KMT2C: variants seen among roughly 807,000 people sequenced by gnomAD.
The protein encoded by KMT2C is lysine methyltransferase 2C, also known as histone-lysine N-methyltransferase 2C.
In KMT2C, 88 loss-of-function variants were observed where a neutral mutation model predicts 507.9. The ratio of observed to expected loss-of-function variants is 0.17; its 90% CI spans 0.15 to 0.21. The LOEUF (loss-of-function observed/expected upper bound fraction) is 0.21, where lower values mean the gene tolerates loss of function less well. KMT2C is among the 10% of genes least tolerant of loss of function. KMT2C has a pLI of 1.00. For synonymous variants in KMT2C, 2,049 were observed against 2,080.8 expected, an observed-to-expected ratio of 0.98 and a Z score of 0.42; for missense variants, 4,954 against 5,957.8, an observed-to-expected ratio of 0.83 and a Z score of 5.55.
chr7:152,210,293 A>G (rs1423768812), intron 23 of KMT2C, among the ~76,000 whole-genome samples: 3 of 152,222 alleles, frequency 2.0e-5, no homozygotes, highest in Non-Finnish European at 4.4e-5. Context: ...CACTAAACTT[A>G]CAAATCGACA....
At chr7:152,298,339 T>C (rs1281194362) in intron 6 of KMT2C, among the ~76,000 whole-genome samples, 1 of 152,018 alleles carries the variant, frequency 6.6e-6, no homozygotes, top group Non-Finnish European at 1.5e-5. Context: ...TGAAGAAAAT[T>C]ACATTAAGGG....
intron 1 of KMT2C, among the ~76,000 whole-genome samples, chr7:152,418,010 T>A (rs1021530468): frequency 2.0e-5 from 3 of 148,428 alleles, no homozygotes; most frequent in Non-Finnish European, 4.4e-5. Context: ...TGGAGTGAAG[T>A]GGCACAATCT....
chr7:152,200,999 C>T (rs750999340), intron 26 of KMT2C, among the ~76,000 whole-genome samples: 1 of 151,998 alleles, frequency 6.6e-6, no homozygotes, highest in African/African-American at 2.4e-5. Context: ...ATAAGCAATG[C>T]TTTTATCATT....
chr7:152,186,063 A>G (rs1324616582), intron 33 of KMT2C, among the ~76,000 whole-genome samples: 1 of 152,216 alleles, frequency 6.6e-6, no homozygotes, highest in Non-Finnish European at 1.5e-5. Context: ...CAACAAACAC[A>G]TGGAAAAGTA....
chr7:152,189,009 T>C (rs2093711307), intron 31 of KMT2C, among the ~76,000 whole-genome samples: 1 of 152,186 alleles, frequency 6.6e-6, no homozygotes, highest in African/African-American at 2.4e-5. Context: ...ATACATACAC[T>C]CTGGTTTTGG....
At chr7:152,252,753 T>A (rs1469758921) in intron 9 of KMT2C, 38 bp from the exon 10 acceptor site, 1 of 1,454,526 alleles carries the variant, frequency 6.9e-7, no homozygotes, top group Non-Finnish European at 9.5e-7. Context: ...AACAGTTTGT[T>A]ATGCATTTGT....
chr7:152,162,684 G>A lies in KMT2C; in HGVS notation c.10893C>T (p.Ala3631=), dbSNP rs2092519698. The change falls in exon 43 of 59, where the codon GCC becomes GCT. Residue 3631 remains alanine (A), a synonymous_variant. Transcript: ENST00000262189. The part of the protein sequence containing the change: ...APSTPHSDIT[A]PPTPGISETT... ...TTTCTGAGATGCCTGGAGTCGGTGG[G>A]GCAGTTATATCTGAATGGGGAGTTG... 6.2e-7 allele frequency: 1 copy of A among 1,614,008 alleles called. No homozygotes were observed. The highest frequency in any genetic ancestry group is 8.5e-7 in the Non-Finnish European group (1 of 1,180,020).
At chr7:152,178,047 ATAG>A in intron 37 of KMT2C, 37 bp from the exon 38 acceptor site, 8 of 1,376,124 alleles carry the variant, frequency 5.8e-6, no homozygotes, top group Non-Finnish European at 7.5e-6. Flanking sequence ...AAAAAAGCAA[ATAG>A]GTATTATGTT....
intron 3 of KMT2C, among the ~76,000 whole-genome samples, chr7:152,324,098 T>C (rs997862614): frequency 6.6e-6 from 1 of 151,314 alleles, no homozygotes; most frequent in African/African-American, 2.4e-5. Context: ...ATAGGAGGAA[T>C]AGGTTTTGAG....
chr7:152,181,048 G>A lies in KMT2C; in HGVS notation c.6812C>T (p.Thr2271Ile), dbSNP rs2093419370. The change falls in exon 36 of 59, where the codon ACA becomes ATA. Residue 2271 changes from threonine to isoleucine, a missense_variant. Thr to Ile is a moderately conservative substitution (Grantham distance 89). Around this residue, in one of 29 missense-constraint regions of KMT2C, gnomAD observed 1,689 missense variants for 1,654.3 expected, o/e 1.02. Transcript: ENST00000262189. ...AGGGGGCCTAGGTGTCTGGGAACAT[G>A]TATCAGGTGGCCTTACCAACGGGCC... ...LPGPLVRPPD[T>I]CSQTPRPPGP... 7 of 1,614,200 alleles carry A rather than the reference G, an allele frequency of 4.3e-6. No individual in the cohort carries two copies. Among genetic ancestry groups the A allele is most frequent in the Non-Finnish European group, 5.9e-6 (7 of 1,180,042 alleles).
intron 2 of KMT2C, among the ~76,000 whole-genome samples, chr7:152,344,841 G>T (rs1304346655): frequency 3.3e-5 from 5 of 152,088 alleles, no homozygotes; most frequent in Non-Finnish European, 7.4e-5. Context: ...TTAAAAATTA[G>T]CTGGGCAGGA....
At chr7:152,300,716 T>C (rs1056043458) in intron 6 of KMT2C, among the ~76,000 whole-genome samples, 9 of 152,336 alleles carry the variant, frequency 5.9e-5, no homozygotes, top group African/African-American at 2.2e-4. Flanking sequence ...TGTGGACCCC[T>C]GACACAAATA....
At chr7:152,307,252 C>T (rs4726149) in intron 6 of KMT2C, among the ~76,000 whole-genome samples, 7 of 51,226 alleles carry the variant, frequency 1.4e-4, no homozygotes, top group Admixed American at 6.7e-4. Flanking sequence ...GAAGGAAGGA[C>T]GGTAGGAAGG....
chr7:152,396,695 C>T (rs1004422722), intron 1 of KMT2C, among the ~76,000 whole-genome samples: 1 of 152,178 alleles, frequency 6.6e-6, no homozygotes. Flanking sequence ...TATTAGAACT[C>T]CCACTCCCAT....
At chr7:152,259,448 A>ACG (rs1554587647) in intron 9 of KMT2C, among the ~76,000 whole-genome samples, 19 of 57,410 alleles carry the variant, frequency 3.3e-4, no homozygotes, top group African/African-American at 1.0e-3. Flanking sequence ...ACACACGCGC[A>ACG]CACACACACA....
Position 152,330,662 on chromosome 7 carries a change from G to C in KMT2C, c.328C>G (p.Arg110Gly). ...NSKQLIPTLQ[R>G]SVSEESANSL... is the part of the protein sequence containing the mutation. Reference sequence around the variant, plus strand: ...TTTGCCGATTCCTCAGACACAGATCGCTGAAGAGTTGGAATTAGCTGTTTG... The same window carrying C: ...TTTGCCGATTCCTCAGACACAGATCCCTGAAGAGTTGGAATTAGCTGTTTG... The change falls in exon 3 of 59, where the codon CGA (arginine) becomes GGA (glycine). Residue 110 changes from arginine to glycine, a missense_variant. By Grantham distance (125) the Arg-to-Gly change is moderately radical (BLOSUM62 -2). Around this residue, in one of 29 missense-constraint regions of KMT2C, gnomAD observed 233 missense variants for 263.6 expected, o/e 0.88. Transcript: ENST00000262189. 2 of 1,613,966 alleles carry C rather than the reference G, an allele frequency of 1.2e-6. No homozygotes were observed. Among genetic ancestry groups the C allele is most frequent in the Non-Finnish European group, 1.7e-6 (2 of 1,179,892 alleles).
chr7:152,159,549 C>G (rs1298221872), intron 43 of KMT2C, among the ~76,000 whole-genome samples: 1 of 152,136 alleles, frequency 6.6e-6, no homozygotes, highest in Non-Finnish European at 1.5e-5. Context: ...GCCTATGCAT[C>G]TTAGGTGAGA....
intron 26 of KMT2C, among the ~76,000 whole-genome samples, chr7:152,200,372 T>G (rs1049926757): frequency 5.9e-5 from 9 of 152,192 alleles, no homozygotes; most frequent in Admixed American, 2.0e-4. Context: ...TTCTATGTTA[T>G]CAAAGAAAAA....
At chr7:152,200,547 G>A (rs973556842) in intron 26 of KMT2C, among the ~76,000 whole-genome samples, 3 of 152,010 alleles carry the variant, frequency 2.0e-5, no homozygotes, top group African/African-American at 7.2e-5. Flanking sequence ...TGGGCAACAT[G>A]GCAAAACTCT....
Sources: allele counts gnomAD v4.1 joint callset (sites outside exome capture counted in the v4.1 genomes callset), GRCh38; gene constraint gnomAD v4.1.1; regional missense constraint gnomAD v4.1.1; transcripts MANE v1.5; gene names NCBI Gene and HGNC (gene_info 2026-07-23, HGNC 2026-07-21).